Variants in SMURF2 observed in about 807,000 individuals in gnomAD.
The protein encoded by SMURF2 is SMAD specific E3 ubiquitin protein ligase 2.
A neutral mutation model predicts 109.6 loss-of-function variants in SMURF2; 48 were observed. The ratio of observed to expected loss-of-function variants is 0.44; its 90% CI spans 0.35 to 0.56. The LOEUF is 0.56. Among genes scored for constraint, SMURF2 ranks in the 20% least tolerant of loss-of-function variants. The pLI is 0.01. For synonymous variants in SMURF2, 288 were observed against 317.1 expected (o/e 0.91, Z 0.97); for missense variants, 575 against 909.0 (o/e 0.63, Z 4.72).
At chr17:64,589,937 G>A (rs574217146) in intron 5 of SMURF2, among the ~76,000 whole-genome samples, 6 of 152,032 alleles carry the variant, frequency 3.9e-5, no homozygotes, top group Admixed American at 1.3e-4. Context: ...GGTGGGGTGC[G>A]CTGGTATAGA....
chr17:64,574,831 C>A (rs544206274), intron 9 of SMURF2, among the ~76,000 whole-genome samples: 3 of 152,298 alleles, frequency 2.0e-5, no homozygotes, highest in East Asian at 3.9e-4. Context: ...AACAGTGGTG[C>A]TGAAATCTGT....
intron 5 of SMURF2, among the ~76,000 whole-genome samples, chr17:64,588,615 GTTTTTTGT>G (rs1217125487): frequency 4.0e-5 from 6 of 151,374 alleles, no homozygotes; most frequent in Non-Finnish European, 5.9e-5. Context: ...TTTTTTGTTT[GTTTTTTGT>G]TTTTTTGTTT....
rs781893389 is a variant in SMURF2, at chr17:64,571,819, G to T, written c.995C>A (p.Ala332Asp). The change falls in exon 10 of 19, where the codon GCT (alanine) becomes GAT (aspartate). Residue 332 changes from alanine to aspartate, a missense_variant. Ala to Asp is a moderately radical substitution (Grantham distance 126). Transcript: ENST00000262435. Reference protein sequence around the residue: ...TTQFTDPRLSANLHLVLNRQN... With the variant: ...TTQFTDPRLSDNLHLVLNRQN... ...TTACTTTAAAACTAAATGCAAGTTA[G>T]CAGACAGCCGAGGATCTGTAAATTG... 3 of 1,610,108 alleles carry T rather than the reference G, an allele frequency of 1.9e-6. No individual in the cohort carries two copies. In the Admixed American group the frequency reaches 5.1e-5, roughly 27 times the overall value.
At chr17:64,575,245 C>T (rs1969473306) in intron 9 of SMURF2, among the ~76,000 whole-genome samples, 1 of 151,806 alleles carries the variant, frequency 6.6e-6, no homozygotes, top group Non-Finnish European at 1.5e-5. Flanking sequence ...CCTCCACCTC[C>T]CAGGTTCAAG....
At chr17:64,593,681 C>T in intron 3 of SMURF2, 108 bp from the exon 4 acceptor site, 6 of 933,666 alleles carry the variant, frequency 6.4e-6, no homozygotes, top group Non-Finnish European at 8.9e-6. Context: ...GCTTCAGAAT[C>T]TGGCTAGATT....
chr17:64,576,632 C>A (rs550648707), intron 9 of SMURF2, among the ~76,000 whole-genome samples: 1 of 152,102 alleles, frequency 6.6e-6, no homozygotes, highest in South Asian at 2.1e-4. Context: ...CCACTGCACT[C>A]CCGCCTGGAC....
At chr17:64,637,697 G>A (rs1970435768) in intron 1 of SMURF2, among the ~76,000 whole-genome samples, 1 of 151,904 alleles carries the variant, frequency 6.6e-6, no homozygotes, top group Admixed American at 6.6e-5. Flanking sequence ...CCCAGTAGCT[G>A]AGACTACAGT....
chr17:64,628,803 A>G (rs1970299400), intron 1 of SMURF2, among the ~76,000 whole-genome samples: 1 of 152,154 alleles, frequency 6.6e-6, no homozygotes, highest in Non-Finnish European at 1.5e-5. Flanking sequence ...ATCTGCTAGA[A>G]TCCTAATGTT....
chr17:64,660,418 T>A (rs1970760159), intron 1 of SMURF2, among the ~76,000 whole-genome samples: 2 of 152,178 alleles, frequency 1.3e-5, no homozygotes, highest in Admixed American at 6.5e-5. Context: ...AATACAAGTA[T>A]CCTCCAATCC....
intron 1 of SMURF2, among the ~76,000 whole-genome samples, chr17:64,626,176 T>C (rs1474821755): frequency 2.0e-5 from 3 of 151,458 alleles, no homozygotes; most frequent in African/African-American, 7.3e-5. Flanking sequence ...TGAGGATCAC[T>C]TGAACTTGGG....
At chr17:64,648,058 TAAAAAA>T (rs56131846) in intron 1 of SMURF2, among the ~76,000 whole-genome samples, 540 of 17,556 alleles carry the variant, frequency 0.031, 2 homozygotes, top group African/African-American at 0.087. Context: ...CCCTATCTCT[TAAAAAA>T]AAAAAAAAAA....
chr17:64,637,450 G>A (rs1236216675), intron 1 of SMURF2, among the ~76,000 whole-genome samples: 2 of 151,878 alleles, frequency 1.3e-5, no homozygotes, highest in Admixed American at 1.3e-4. Flanking sequence ...CTTATGGCTT[G>A]CATTGTTACA....
intron 2 of SMURF2, among the ~76,000 whole-genome samples, chr17:64,599,342 C>T (rs1216450042): frequency 6.6e-6 from 1 of 152,174 alleles, no homozygotes; most frequent in African/African-American, 2.4e-5. Flanking sequence ...AACCACTATG[C>T]TGTATTTTAC....
intron 1 of SMURF2, among the ~76,000 whole-genome samples, chr17:64,640,917 CAAAAAAA>C: frequency 1.2e-5 from 1 of 86,074 alleles, no homozygotes; most frequent in East Asian, 3.2e-4. Flanking sequence ...GACTCCATCT[CAAAAAAA>C]AAAAAAGAAA....
In SMURF2 at chr17:64,549,262, C is replaced by CAAAA. The variant is rs577973821; in HGVS notation, c.1870-1465_1870-1462dup. On this transcript the variant is annotated intron_variant, in intron 16 of 18. Coordinates refer to ENST00000262435, the MANE Select transcript of SMURF2 (RefSeq NM_022739.4). ...TGGGGGACAAGTGAGACTGTGTCTC[C>CAAAA]AAAAAAAAAAAAAAAAAAAAAAAAA... Among the ~76,000 whole-genome samples, 221 of 41,542 alleles carry CAAAA rather than the reference C, an allele frequency of 5.3e-3. 5 individuals are homozygous for CAAAA. The highest frequency in any genetic ancestry group is 0.017 in the African/African-American group (208 of 12,014). 27.3% of individuals were successfully genotyped at this position (41,542 alleles called of 152,430 possible).
chr17:64,631,040 T>C, intron 1 of SMURF2, among the ~76,000 whole-genome samples: 1 of 151,748 alleles, frequency 6.6e-6, no homozygotes, highest in African/African-American at 2.4e-5. Context: ...TAGTGGCTCA[T>C]GCTGTAATCC....
intron 14 of SMURF2, 132 bp downstream of exon 14, chr17:64,555,688 C>A (rs894487681): frequency 3.7e-6 from 2 of 534,430 alleles, no homozygotes; most frequent in Non-Finnish European, 6.3e-6. Context: ...AGGGGGAAAT[C>A]ATATGCGATC....
chr17:64,548,394 T>C (rs77085222), intron 16 of SMURF2, among the ~76,000 whole-genome samples: 2 of 145,664 alleles, frequency 1.4e-5, no homozygotes, highest in Non-Finnish European at 3.0e-5. Context: ...TGCTTAATAA[T>C]TTTTTTTTTT....
chr17:64,654,926 C>T (rs1970686033), intron 1 of SMURF2, among the ~76,000 whole-genome samples: 1 of 152,050 alleles, frequency 6.6e-6, no homozygotes, highest in African/African-American at 2.4e-5. Flanking sequence ...ATCCTCCCAT[C>T]TTGGCCTCCC....
Sources: allele counts gnomAD v4.1 joint callset (sites outside exome capture counted in the v4.1 genomes callset), GRCh38; gene constraint gnomAD v4.1.1; transcripts MANE v1.5; gene names NCBI Gene and HGNC (gene_info 2026-07-23, HGNC 2026-07-21).